The following RASAL2 variants were observed in gnomAD, a reference collection of about 807,000 sequenced individuals.
RASAL2 encodes the protein ras GTPase-activating protein nGAP.
A neutral mutation model predicts 128.9 loss-of-function variants in RASAL2; 58 were observed. The ratio of observed to expected loss-of-function variants is 0.45; its 90% CI spans 0.36 to 0.56. RASAL2 has a LOEUF of 0.56. Among genes scored for constraint, RASAL2 ranks in the 20% least tolerant of loss-of-function variants. The probability of loss-of-function intolerance (pLI) is 0.00; values close to 1 mark genes in which losing one functional copy is unlikely to be tolerated. For missense variants in RASAL2, 1,360 were observed against 1,601.6 expected, an observed-to-expected ratio of 0.85 and a Z score of 2.57; for synonymous variants, 561 against 580.8, an observed-to-expected ratio of 0.97 and a Z score of 0.49.
At chr1:178,451,412 C>T (rs1677368297) in intron 9 of RASAL2, among the ~76,000 whole-genome samples, 159 bp from the exon 10 acceptor site, 1 of 152,104 alleles carries the variant, frequency 6.6e-6, no homozygotes, top group Non-Finnish European at 1.5e-5. Context: ...TCTTGGGTTC[C>T]AAAGCAATGA....
At chr1:178,335,040 G>T (rs1203033421) in intron 3 of RASAL2, among the ~76,000 whole-genome samples, 4 of 152,024 alleles carry the variant, frequency 2.6e-5, no homozygotes, top group African/African-American at 9.7e-5. Flanking sequence ...TAACAAGATT[G>T]TCCTTTTGGA....
At chr1:178,117,994 G>A (rs955067669) in intron 1 of RASAL2, among the ~76,000 whole-genome samples, 6 of 151,744 alleles carry the variant, frequency 4.0e-5, no homozygotes, top group Admixed American at 6.6e-5. Context: ...ATGAAACTCC[G>A]TCTCGACTAA....
chr1:178,141,193 C>CTTTTTTTTTTTTTTTTTTTTT (rs71297900), intron 1 of RASAL2, among the ~76,000 whole-genome samples: 16 of 73,930 alleles, frequency 2.2e-4, no homozygotes, highest in African/African-American at 6.4e-4. Context: ...CTTTTCTTTT[C>CTTTTTTTTTTTTTTTTTTTTT]TTTTTTTTTT....
At chr1:178,319,876 T>C (rs890238687) in intron 3 of RASAL2, among the ~76,000 whole-genome samples, 20 of 152,364 alleles carry the variant, frequency 1.3e-4, no homozygotes, top group African/African-American at 4.3e-4. Flanking sequence ...CGCTCTGCGT[T>C]TTAGAGTTTC....
At chr1:178,371,345 CACACACAAAT>C (rs1671699059) in intron 3 of RASAL2, among the ~76,000 whole-genome samples, 1 of 145,882 alleles carries the variant, frequency 6.9e-6, no homozygotes, top group South Asian at 2.3e-4. Context: ...CACACACACA[CACACACAAAT>C]ACACACACAC....
At chr1:178,247,961 C>G (rs530714970) in intron 1 of RASAL2, among the ~76,000 whole-genome samples, 39 of 152,200 alleles carry the variant, frequency 2.6e-4, no homozygotes, top group African/African-American at 9.2e-4. Context: ...CATTCTTTTG[C>G]ATTTACTGAG....
chr1:178,149,108 T>C (rs1477561684), intron 1 of RASAL2, among the ~76,000 whole-genome samples: 1 of 152,150 alleles, frequency 6.6e-6, no homozygotes, highest in African/African-American at 2.4e-5. Context: ...AATACCCTTG[T>C]TGAGTTAGAT....
intron 3 of RASAL2, among the ~76,000 whole-genome samples, chr1:178,367,864 G>A (rs1477006502): frequency 6.6e-6 from 1 of 152,148 alleles, no homozygotes. Context: ...ATAAGGACTT[G>A]GTAGATATCC....
At chr1:178,347,767 A>T (rs1458819662) in intron 3 of RASAL2, among the ~76,000 whole-genome samples, 1 of 152,228 alleles carries the variant, frequency 6.6e-6, no homozygotes, top group Non-Finnish European at 1.5e-5. Flanking sequence ...CTAAAGCTGA[A>T]CAATGCTCAG....
intron 3 of RASAL2, among the ~76,000 whole-genome samples, chr1:178,382,485 C>T (rs756372775): frequency 5.2e-4 from 79 of 152,018 alleles, no homozygotes; most frequent in African/African-American, 1.8e-3. Context: ...CCATTGCAGC[C>T]CATTATACAA....
At position 178,473,350 on chromosome 1, in the gene RASAL2, GT is replaced by G; in HGVS notation, c.*112del. On this transcript the variant is annotated 3_prime_UTR_variant, in exon 18 of 18. Transcript: ENST00000367649. ...AATGTTGCTACTTCACAATGGCGAT[GT>G]GGTGAGAAACTCCTGAATGAAGAAA... 1 of 1,352,360 alleles carries G rather than the reference GT, an allele frequency of 7.4e-7. No individual in the cohort carries two copies. The highest frequency in any genetic ancestry group is 1.0e-6 in the Non-Finnish European group (1 of 978,980). The allele number at this position is 1,352,360 out of a possible 1,614,324, so 83.8% of individuals were successfully genotyped here.
chr1:178,146,018 A>G (rs1341053133), intron 1 of RASAL2, among the ~76,000 whole-genome samples: 1 of 152,238 alleles, frequency 6.6e-6, no homozygotes. Context: ...TGTATTGGAT[A>G]GGAAAATAGC....
At chr1:178,283,769 T>G (rs1405133622) in intron 2 of RASAL2, 78 bp downstream of exon 2, 1 of 1,550,500 alleles carries the variant, frequency 6.4e-7, no homozygotes, top group East Asian at 2.3e-5. Flanking sequence ...TTGTTTGCAT[T>G]TTGAAAAGTT....
chr1:178,430,099 A>G (rs1030980085), intron 5 of RASAL2, among the ~76,000 whole-genome samples: 2 of 152,124 alleles, frequency 1.3e-5, no homozygotes, highest in African/African-American at 4.8e-5. Context: ...CCCTAGCACA[A>G]TGACTGTCCT....
chr1:178,409,962 C>T (rs552703003), intron 4 of RASAL2, among the ~76,000 whole-genome samples: 34 of 152,304 alleles, frequency 2.2e-4, no homozygotes, highest in African/African-American at 7.2e-4. Context: ...TAAAGAGCTT[C>T]GTCATGGCAC....
chr1:178,333,194 A>G (rs1669423204), intron 3 of RASAL2, among the ~76,000 whole-genome samples: 1 of 151,828 alleles, frequency 6.6e-6, no homozygotes, highest in East Asian at 2.0e-4. Context: ...GCTCCCGGCT[A>G]ATTTTTTGTA....
At chr1:178,389,365 CAT>C in intron 3 of RASAL2, 2 of 567,692 alleles carry the variant, frequency 3.5e-6, no homozygotes, top group Non-Finnish European at 2.2e-6. Context: ...TATATATACA[CAT>C]GTATATATAT....
chr1:178,444,502 T>G (rs982184214), intron 8 of RASAL2, among the ~76,000 whole-genome samples: 1 of 152,196 alleles, frequency 6.6e-6, no homozygotes, highest in Non-Finnish European at 1.5e-5. Context: ...ATTCCTCCTA[T>G]TTTGGCATTT....
At chr1:178,298,130 A>G (rs1220268208) in intron 2 of RASAL2, among the ~76,000 whole-genome samples, 1 of 152,168 alleles carries the variant, frequency 6.6e-6, no homozygotes, top group Admixed American at 6.5e-5. Context: ...GATACAGGAT[A>G]TGTTTCGCCT....
Sources: gnomAD v4.1 joint callset for allele counts (sites outside exome capture counted in the v4.1 genomes callset) on GRCh38, gnomAD v4.1.1 for gene constraint, MANE v1.5 for transcripts, NCBI Gene and HGNC (gene_info 2026-07-23, HGNC 2026-07-21) for gene names.